Variants in DNAJC1 observed in about 807,000 individuals in gnomAD.
DNAJC1 encodes dnaJ homolog subfamily C member 1.
Under a neutral mutation model 76.6 loss-of-function variants are expected in DNAJC1, and 58 were observed. The observed-to-expected ratio is 0.76, with a 90% CI of 0.61 to 0.94. The LOEUF (loss-of-function observed/expected upper bound fraction) is 0.94, where lower values mean the gene tolerates loss of function less well. DNAJC1 is among the 40% of genes least tolerant of loss of function. The probability of loss-of-function intolerance (pLI) is 0.00; values close to 1 mark genes in which losing one functional copy is unlikely to be tolerated. For missense variants in DNAJC1, 689 were observed against 677.3 expected, an observed-to-expected ratio of 1.02 and a Z score of -0.19; for synonymous variants, 258 against 267.9, an observed-to-expected ratio of 0.96 and a Z score of 0.36.
At chr10:21,764,653 C>A (rs750337356) in intron 10 of DNAJC1, among the ~76,000 whole-genome samples, 2 of 152,202 alleles carry the variant, frequency 1.3e-5, no homozygotes, top group African/African-American at 4.8e-5. Flanking sequence ...AAATGGATCA[C>A]ACTGCTTACG....
At chr10:21,889,357 A>G (rs1489107059) in intron 7 of DNAJC1, among the ~76,000 whole-genome samples, 1 of 152,148 alleles carries the variant, frequency 6.6e-6, no homozygotes, top group Non-Finnish European at 1.5e-5. Flanking sequence ...CCCCACCTCC[A>G]ATACTGGTGA....
chr10:21,977,230 G>C (rs1273339459), intron 1 of DNAJC1, among the ~76,000 whole-genome samples: 1 of 151,706 alleles, frequency 6.6e-6, no homozygotes, highest in African/African-American at 2.4e-5. Flanking sequence ...TTTTTAAAAA[G>C]AAAACTACCA....
At chr10:21,877,247 C>T (rs1207755894) in intron 8 of DNAJC1, among the ~76,000 whole-genome samples, 1 of 151,692 alleles carries the variant, frequency 6.6e-6, no homozygotes, top group Non-Finnish European at 1.5e-5. Context: ...GTCCTTCAGC[C>T]TGAGTGACAG....
intron 1 of DNAJC1, among the ~76,000 whole-genome samples, chr10:21,969,053 G>GT (rs1837934128): frequency 6.6e-6 from 1 of 151,752 alleles, no homozygotes; most frequent in East Asian, 2.0e-4. Flanking sequence ...GTGAAACCCC[G>GT]TATCTACTAA....
At chr10:21,761,152 C>T (rs1192790220) in intron 10 of DNAJC1, among the ~76,000 whole-genome samples, 2 of 152,100 alleles carry the variant, frequency 1.3e-5, no homozygotes, top group Non-Finnish European at 2.9e-5. Flanking sequence ...TGCACTCCAG[C>T]CTGGGAAACA....
At chr10:21,813,083 A>G (rs1006290019) in intron 8 of DNAJC1, among the ~76,000 whole-genome samples, 9 of 93,056 alleles carry the variant, frequency 9.7e-5, no homozygotes, top group Non-Finnish European at 1.9e-4. Context: ...ATATATACAT[A>G]TATACACACA....
At chr10:21,882,518 T>A in intron 7 of DNAJC1, 79 bp from the exon 8 acceptor site, 1 of 942,370 alleles carries the variant, frequency 1.1e-6, no homozygotes, top group Non-Finnish European at 1.5e-6. Flanking sequence ...TCATAGACCA[T>A]ATCCTGAAAG....
In DNAJC1 at chr10:21,872,097, G is replaced by A. The variant is rs1158325646; in HGVS notation, c.978+10185C>T. Among the ~76,000 whole-genome samples, 161 of 137,468 alleles carry A rather than the reference G, an allele frequency of 1.2e-3. 1 individual carries two copies. The highest frequency in any genetic ancestry group is 4.1e-3 in the African/African-American group (149 of 36,430). 90.2% of individuals were successfully genotyped at this position (137,468 alleles called of 152,430 possible). A position where few individuals can be genotyped will look rare whatever the true frequency, so the allele number is the denominator to read the frequency against. On this transcript the variant is annotated intron_variant, in intron 8 of 11. Transcript: ENST00000376980. The stretch of plus-strand genomic sequence containing the variant: ...TCTTTTTTTTTTTTTTTTTGGAGAC[G>A]GAGTCTCACTCTGTTGCCCAGGCTG...
intron 9 of DNAJC1, among the ~76,000 whole-genome samples, chr10:21,772,235 C>T (rs1026281001): frequency 6.8e-6 from 1 of 146,632 alleles, no homozygotes; most frequent in Non-Finnish European, 1.5e-5. Flanking sequence ...GTAATACTGC[C>T]ATCATAAAAT....
intron 6 of DNAJC1, among the ~76,000 whole-genome samples, chr10:21,916,424 G>C (rs1036641482): frequency 6.6e-6 from 1 of 152,148 alleles, no homozygotes; most frequent in Non-Finnish European, 1.5e-5. Context: ...GGGAGGCGGA[G>C]CTTGCAGTGA....
In DNAJC1 at chr10:21,806,197, A is replaced by G. The variant is rs1411240618; in HGVS notation, c.979-98T>C. On this transcript the variant is annotated intron_variant, in intron 8 of 11. Transcript: ENST00000376980. ...GATAATTGAGAGATAATTGCTGTGA[A>G]GCAAATTATTGGCAATATGCTTTCT... 2.2e-6 allele frequency: 3 copies of G among 1,344,614 alleles called. No individual in the cohort carries two copies. The African/African-American group carries it at 4.4e-5, about 20-fold the overall frequency. 83.3% of individuals were successfully genotyped at this position (1,344,614 alleles called of 1,614,324 possible).
rs142670830 is a variant in DNAJC1 at position 21,767,554 on chromosome 10, C to T, written c.1099-1245G>A. 1.8e-4 allele frequency among the ~76,000 whole-genome samples: 27 copies of T among 152,318 alleles called. No homozygotes were observed. The East Asian group carries it at 5.0e-3, about 28-fold the overall frequency. On this transcript the variant is annotated intron_variant, in intron 9 of 11. Coordinates refer to ENST00000376980, the MANE Select transcript of DNAJC1 (RefSeq NM_022365.4). ...CCTCCCACCTCAGCCTCCTGAGTAG[C>T]TGGGACTACAGGCATGAGCCACTGC...
rs568036779 is a variant in DNAJC1 at position 21,952,998 on chromosome 10, A to T, written c.223-23857T>A. Among the ~76,000 whole-genome samples the T allele has an allele frequency of 7.2e-5, 11 of 152,300 alleles. No homozygotes were observed. The South Asian group carries it at 2.3e-3, about 32-fold the overall frequency. On this transcript the variant is annotated intron_variant, in intron 1 of 11. Transcript: ENST00000376980. ...TAGACACTAAAATCAACAGTGCACT[A>T]AGAACATTAACATCATATTTCTACT... is the stretch of plus-strand genomic sequence containing the variant.
At chr10:21,997,194 T>A (rs1330078405) in intron 1 of DNAJC1, among the ~76,000 whole-genome samples, 1 of 152,200 alleles carries the variant, frequency 6.6e-6, no homozygotes, top group African/African-American at 2.4e-5. Flanking sequence ...GAAATCATCA[T>A]CTTCATTTCT....
intron 10 of DNAJC1, among the ~76,000 whole-genome samples, chr10:21,765,448 T>C (rs956123777): frequency 6.6e-6 from 1 of 152,174 alleles, no homozygotes; most frequent in African/African-American, 2.4e-5. Context: ...GTATTTGAGT[T>C]AGGTTGCAAA....
chr10:21,814,896 A>G (rs1363906103), intron 8 of DNAJC1, among the ~76,000 whole-genome samples: 1 of 151,778 alleles, frequency 6.6e-6, no homozygotes, highest in African/African-American at 2.4e-5. Context: ...ACTCTGGAAA[A>G]CTCCTCTAGC....
chr10:21,920,906 G>T lies in DNAJC1; in HGVS notation c.429C>A (p.Tyr143Ter). The change falls in exon 4 of 12, where the codon TAC becomes TAA. Residue 143 changes from tyrosine (Y) to a stop codon, truncating the protein, a stop_gained. Coordinates refer to ENST00000376980, the MANE Select transcript of DNAJC1 (RefSeq NM_022365.4). LOFTEE classifies it high-confidence loss of function. ...CATTGCTCATTTTTCTCACCCGCCT[G>T]TAGTAGAATACAGGCTGTCGCCAAT... ...LPDWRQPVFY[Y>*]RRVRKMSNAE... 6.2e-7 allele frequency: 1 copy of T among 1,612,896 alleles called. No individual in the cohort carries two copies. Among genetic ancestry groups the T allele is most frequent in the Non-Finnish European group, 8.5e-7 (1 of 1,179,184 alleles).
intron 1 of DNAJC1, among the ~76,000 whole-genome samples, chr10:21,967,246 TTC>T (rs1837908949): frequency 6.6e-6 from 1 of 152,214 alleles, no homozygotes; most frequent in South Asian, 2.1e-4. Flanking sequence ...TTGATTTACT[TTC>T]TGTGTCTTTA....
At chr10:21,859,277 T>C (rs1042845886) in intron 8 of DNAJC1, among the ~76,000 whole-genome samples, 9 of 152,144 alleles carry the variant, frequency 5.9e-5, no homozygotes, top group African/African-American at 2.2e-4. Context: ...GACATTTGAA[T>C]GTTTTTGCCC....
Sources: gnomAD v4.1 joint callset for allele counts (sites outside exome capture counted in the v4.1 genomes callset) on GRCh38, gnomAD v4.1.1 for gene constraint, MANE v1.5 for transcripts, NCBI Gene and HGNC (gene_info 2026-07-23, HGNC 2026-07-21) for gene names.